Variants in CLASP1 observed in about 807,000 individuals in gnomAD.
CLASP1 encodes the protein cytoplasmic linker associated protein 1, also known as CLIP-associating protein 1.
A neutral mutation model predicts 192.3 loss-of-function variants in CLASP1; 38 were observed. The ratio of observed to expected loss-of-function variants is 0.20; its 90% CI spans 0.15 to 0.26. The LOEUF (loss-of-function observed/expected upper bound fraction) is 0.26, where lower values mean the gene tolerates loss of function less well. CLASP1 is among the 10% of genes least tolerant of loss of function. CLASP1 has a pLI of 1.00. For missense variants in CLASP1, 1,433 were observed against 1,932.5 expected, an observed-to-expected ratio of 0.74 and a Z score of 4.85; for synonymous variants, 691 against 712.8, an observed-to-expected ratio of 0.97 and a Z score of 0.49.
At chr2:121,463,992 C>A (rs1470524258) in intron 9 of CLASP1, among the ~76,000 whole-genome samples, 1 of 104,346 alleles carries the variant, frequency 9.6e-6, no homozygotes, top group Non-Finnish European at 1.8e-5. Context: ...CTATCCCTCC[C>A]CCCTCCCCCC....
rs188451942 is a variant in CLASP1 at position 121,641,318 on chromosome 2, C to T, written c.-286+8054G>A. 3.4e-3 allele frequency among the ~76,000 whole-genome samples: 508 copies of T among 149,652 alleles called. 3 individuals are homozygous for T. The highest frequency in any genetic ancestry group is 0.012 in the African/African-American group (468 of 40,410). On this transcript the variant is annotated intron_variant, in intron 1 of 39. Coordinates refer to ENST00000263710, the Ensembl canonical transcript of CLASP1. ...TCAAACTTGTGTAGCCCCAGAAGCA[C>T]TTGGGGAACCTGTTAAAAAAAAAAA...
intron 25 of CLASP1, among the ~76,000 whole-genome samples, chr2:121,406,493 T>C (rs1306482664): frequency 6.6e-6 from 1 of 152,234 alleles, no homozygotes; most frequent in Non-Finnish European, 1.5e-5. Flanking sequence ...TTTTATGTTT[T>C]AACCTGAACT....
chr2:121,549,428 C>A (rs763600066), intron 2 of CLASP1, among the ~76,000 whole-genome samples: 10 of 152,020 alleles, frequency 6.6e-5, no homozygotes, highest in African/African-American at 2.4e-4. Flanking sequence ...CAAGAGCACC[C>A]AGATTCATAA....
At chr2:121,562,203 C>CT (rs1178170835) in intron 2 of CLASP1, among the ~76,000 whole-genome samples, 2 of 152,186 alleles carry the variant, frequency 1.3e-5, no homozygotes, top group African/African-American at 4.8e-5. Context: ...CTTGACTCCT[C>CT]TGAGCAAAGC....
At chr2:121,402,568 T>A in intron 26 of CLASP1, 1 of 517,426 alleles carries the variant, frequency 1.9e-6, no homozygotes, top group South Asian at 1.4e-5. Flanking sequence ...TAACAAATAC[T>A]AACTAAACTG....
chr2:121,379,980 T>G (rs980168803), intron 33 of CLASP1, among the ~76,000 whole-genome samples: 2 of 152,202 alleles, frequency 1.3e-5, no homozygotes, highest in Non-Finnish European at 2.9e-5. Context: ...CAATTGAAGG[T>G]GTCTTCTTTT....
intron 1 of CLASP1, among the ~76,000 whole-genome samples, chr2:121,633,028 A>ATATATATATATATATATATT (rs71398039): frequency 7.3e-6 from 1 of 137,544 alleles, no homozygotes; most frequent in African/African-American, 2.9e-5. Flanking sequence ...ATATATATAT[A>ATATATATATATATATATATT]GGCTTTTTTT....
chr2:121,370,381 A>C (rs2068379705), intron 34 of CLASP1, among the ~76,000 whole-genome samples: 1 of 151,930 alleles, frequency 6.6e-6, no homozygotes, highest in African/African-American at 2.4e-5. Flanking sequence ...CTGGAGTGTA[A>C]ATGGTGCAAT....
intron 8 of CLASP1, among the ~76,000 whole-genome samples, chr2:121,478,961 CACCACACACACCA>C (rs1229764880): frequency 6.8e-4 from 51 of 74,494 alleles, no homozygotes; most frequent in Middle Eastern, 9.1e-3. Flanking sequence ...CACACACACA[CACCACACACACCA>C]CACACACACC....
At chr2:121,455,791 G>C (rs2086521640) in intron 14 of CLASP1, among the ~76,000 whole-genome samples, 1 of 152,184 alleles carries the variant, frequency 6.6e-6, no homozygotes, top group Non-Finnish European at 1.5e-5. Context: ...GAGCCCAGGA[G>C]TTAGAGATTG....
chr2:121,609,212 T>A (rs936581549), intron 1 of CLASP1, among the ~76,000 whole-genome samples: 1 of 152,188 alleles, frequency 6.6e-6, no homozygotes, highest in Non-Finnish European at 1.5e-5. Context: ...AAGTTCCCAT[T>A]CGTTCAAGTC....
intron 1 of CLASP1, among the ~76,000 whole-genome samples, chr2:121,637,506 T>C (rs2106298354): frequency 1.3e-5 from 2 of 152,236 alleles, no homozygotes; most frequent in Middle Eastern, 6.8e-3. Flanking sequence ...TATAAAATCT[T>C]AGAGGAAAAC....
At chr2:121,448,231 C>T (rs1035521084) in intron 18 of CLASP1, 45 bp downstream of exon 18, 1 of 1,559,784 alleles carries the variant, frequency 6.4e-7, no homozygotes, top group African/African-American at 1.4e-5. Context: ...CACGTACAGC[C>T]CACCAGAGCG....
intron 9 of CLASP1, among the ~76,000 whole-genome samples, chr2:121,468,058 T>C (rs1172157023): frequency 6.6e-5 from 10 of 152,162 alleles, no homozygotes; most frequent in Non-Finnish European, 4.4e-5. Context: ...TCTTTCCCCA[T>C]TGCTTGTTTT....
chr2:121,638,915 C>T (rs1250570550), intron 1 of CLASP1, among the ~76,000 whole-genome samples: 12 of 152,228 alleles, frequency 7.9e-5, no homozygotes, highest in Middle Eastern at 3.4e-3. Flanking sequence ...GTGATCCACC[C>T]GCCTTGGCCT....
Position 121,348,505 on chromosome 2 carries a change from G to C in CLASP1, c.4413+7C>G, listed in dbSNP as rs745311867. On this transcript the variant is annotated splice_region_variant and intron_variant, in intron 38 of 39. Transcript: ENST00000263710. ...CGGGGGCAGGCCCCACCAACACGAG[G>C]GCCTACCTGCAGCAAGCCTGGGATG... 1.8e-5 allele frequency: 29 copies of C among 1,603,210 alleles called. No individual in the cohort carries two copies. Among genetic ancestry groups the C allele is most frequent in the Non-Finnish European group, 2.3e-5 (27 of 1,175,288 alleles).
rs374987543 is a variant in CLASP1, at chr2:121,363,156, C to A, written c.4206+16G>T. On this transcript the variant is annotated intron_variant, in intron 37 of 39. Coordinates refer to ENST00000263710, the Ensembl canonical transcript of CLASP1. ...GACCCGTCTGTTCAGCACCCCTGGC[C>A]ACATGACTGACTCACCTCCTTATGG... The A allele has an allele frequency of 2.2e-5, 35 of 1,613,784 alleles. No individual in the cohort carries two copies. The African/African-American group carries it at 4.5e-4, about 21-fold the overall frequency.
chr2:121,443,147 G>A (rs1319086225), intron 19 of CLASP1, among the ~76,000 whole-genome samples: 1 of 152,082 alleles, frequency 6.6e-6, no homozygotes, highest in Non-Finnish European at 1.5e-5. Context: ...TTCAGCAACG[G>A]TCTCTATTGT....
chr2:121,468,443 G>C (rs1047077432), intron 9 of CLASP1, among the ~76,000 whole-genome samples: 9 of 152,072 alleles, frequency 5.9e-5, no homozygotes, highest in African/African-American at 2.2e-4. Flanking sequence ...TATCGTCTCT[G>C]ATCTCTTTGA....
Sources: gnomAD v4.1 joint callset for allele counts (sites outside exome capture counted in the v4.1 genomes callset) on GRCh38, gnomAD v4.1.1 for gene constraint, MANE v1.5 for transcripts, NCBI Gene and HGNC (gene_info 2026-07-23, HGNC 2026-07-21) for gene names.